The following TUNAR variants were observed in gnomAD, a reference collection of about 807,000 sequenced individuals.
TUNAR encodes protein TUNAR.
intron 2 of TUNAR, among the ~76,000 whole-genome samples, chr14:95,904,793 C>T (rs979226560): frequency 5.3e-5 from 8 of 152,332 alleles, no homozygotes; most frequent in Admixed American, 3.9e-4. Context: ...AGGGGCTGCC[C>T]GGGCTGGGTA....
At chr14:95,876,898 C>T (rs1241789483) in exon 2 of TUNAR, 1 of 152,306 alleles carries the variant, frequency 6.6e-6, no homozygotes, top group Non-Finnish European at 1.5e-5. Context: ...ATGAGGAGCC[C>T]CCGGGTGCCG....
At chr14:95,879,036 C>T (rs1413098692) in intron 2 of TUNAR, among the ~76,000 whole-genome samples, 3 of 152,048 alleles carry the variant, frequency 2.0e-5, no homozygotes, top group South Asian at 2.1e-4. Flanking sequence ...AGTATATTAG[C>T]GATGCGTGGA....
intron 2 of TUNAR, among the ~76,000 whole-genome samples, chr14:95,900,731 G>A (rs1425990885): frequency 2.0e-5 from 3 of 152,226 alleles, no homozygotes; most frequent in Admixed American, 2.0e-4. Flanking sequence ...TAGCCTTGGA[G>A]CGCATACTAG....
chr14:95,911,390 A>G (rs1452859809), intron 2 of TUNAR, among the ~76,000 whole-genome samples: 1 of 152,152 alleles, frequency 6.6e-6, no homozygotes, highest in Non-Finnish European at 1.5e-5. Context: ...CCTCATCACC[A>G]TAGTGATCAA....
chr14:95,918,795 T>G (rs1002134396), intron 2 of TUNAR, among the ~76,000 whole-genome samples: 1 of 152,156 alleles, frequency 6.6e-6, no homozygotes, highest in African/African-American at 2.4e-5. Flanking sequence ...TGAGTGACTG[T>G]GATGATGGGT....
intron 2 of TUNAR, among the ~76,000 whole-genome samples, chr14:95,878,260 C>G (rs1689363058): frequency 6.6e-6 from 1 of 152,164 alleles, no homozygotes; most frequent in African/African-American, 2.4e-5. Flanking sequence ...TCTGGCTTGC[C>G]GCTGTTAGCT....
At chr14:95,904,509 G>A (rs57262174) in intron 2 of TUNAR, among the ~76,000 whole-genome samples, 16,610 of 152,160 alleles carry the variant, frequency 0.11, 3,026 homozygotes, top group African/African-American at 0.38. Flanking sequence ...CTCTGGGTGA[G>A]GGATAGGTAT....
intron 2 of TUNAR, among the ~76,000 whole-genome samples, chr14:95,911,224 G>T (rs181009529): frequency 1.8e-3 from 268 of 152,184 alleles, no homozygotes; most frequent in African/African-American, 6.2e-3. Context: ...GTAGCATTCC[G>T]CACTTCCACA....
At chr14:95,906,495 T>TATACTAA (rs1673467872) in intron 2 of TUNAR, among the ~76,000 whole-genome samples, 2 of 152,218 alleles carry the variant, frequency 1.3e-5, no homozygotes, top group African/African-American at 4.8e-5. Flanking sequence ...TACACTAAAG[T>TATACTAA]AGTTTCAGAT....
At chr14:95,917,383 G>T (rs1595126364) in intron 2 of TUNAR, among the ~76,000 whole-genome samples, 1 of 152,128 alleles carries the variant, frequency 6.6e-6, no homozygotes, top group Admixed American at 6.5e-5. Flanking sequence ...TCTAAGGCTT[G>T]TATAAGCCTT....
intron 2 of TUNAR, among the ~76,000 whole-genome samples, chr14:95,922,057 C>T (rs58097121): frequency 0.13 from 20,300 of 152,196 alleles, 1,497 homozygotes; most frequent in South Asian, 0.28. Flanking sequence ...TGTGTCCATG[C>T]CTCCAGGTGC....
At chr14:95,889,401 C>G (rs1198640401) in intron 2 of TUNAR, among the ~76,000 whole-genome samples, 1 of 152,110 alleles carries the variant, frequency 6.6e-6, no homozygotes, top group Admixed American at 6.5e-5. Context: ...GGCACCGTGC[C>G]TGCTGCATGT....
At position 95,907,553 on chromosome 14, in the gene TUNAR, C is replaced by T. The variant is rs373183139; in HGVS notation, c.13-15228C>T. ...TGGTGCCTTTGCCCAAGTTCTTGTC[C>T]GGCATCCAGGAAGAATGAGGTATGC... On this transcript the variant is annotated intron_variant, in intron 2 of 2. Transcript: ENST00000678517. 1.2e-4 allele frequency among the ~76,000 whole-genome samples: 19 copies of T among 152,224 alleles called. 1 individual carries two copies. The highest frequency in any genetic ancestry group is 2.4e-4 in the African/African-American group (10 of 41,544).
exon 3 of TUNAR, chr14:95,924,002 G>T (rs576887825): frequency 6.6e-6 from 1 of 152,180 alleles, no homozygotes; most frequent in Non-Finnish European, 1.5e-5. Context: ...CTTTTGAACA[G>T]AATATTCAGC....
intron 2 of TUNAR, among the ~76,000 whole-genome samples, chr14:95,903,058 A>G (rs1889380589): frequency 6.6e-6 from 1 of 152,152 alleles, no homozygotes; most frequent in African/African-American, 2.4e-5. Flanking sequence ...TCAGGTGGGC[A>G]TTGTTACTCC....
intron 2 of TUNAR, among the ~76,000 whole-genome samples, chr14:95,900,375 C>A (rs1889333341): frequency 6.6e-6 from 1 of 152,182 alleles, no homozygotes; most frequent in African/African-American, 2.4e-5. Context: ...CAGACTGGAG[C>A]AGAGACGGCA....
chr14:95,900,208 C>T (rs1463687873), intron 2 of TUNAR, among the ~76,000 whole-genome samples: 5 of 152,186 alleles, frequency 3.3e-5, no homozygotes, highest in African/African-American at 4.8e-5. Flanking sequence ...TAAGATGTGG[C>T]GTCTGCCCTC....
intron 2 of TUNAR, among the ~76,000 whole-genome samples, chr14:95,915,801 C>T (rs1889595932): frequency 6.6e-6 from 1 of 152,226 alleles, no homozygotes; most frequent in African/African-American, 2.4e-5. Context: ...CAAGTGTGCT[C>T]ATCGGAAGCA....
chr14:95,883,202 A>G (rs1889009535), intron 2 of TUNAR, among the ~76,000 whole-genome samples: 2 of 152,246 alleles, frequency 1.3e-5, no homozygotes. Context: ...TCTCTGTTTT[A>G]CTGACAAGAT....
Sources: allele counts gnomAD v4.1 joint callset (sites outside exome capture counted in the v4.1 genomes callset), GRCh38; gene constraint gnomAD v4.1.1; transcripts MANE v1.5; gene names NCBI Gene and HGNC (gene_info 2026-07-23, HGNC 2026-07-21).